KCNH7: variants seen among roughly 807,000 people sequenced by gnomAD.
The protein encoded by KCNH7 is potassium voltage-gated channel subfamily H member 7.
In KCNH7, 49 loss-of-function variants were observed where a neutral mutation model predicts 120.8. The ratio of observed to expected loss-of-function variants is 0.41; its 90% CI spans 0.32 to 0.51. The LOEUF is 0.51. Ranked by LOEUF, KCNH7 falls within the 20% of genes least tolerant of loss-of-function variation. The pLI is 0.38. For missense variants in KCNH7, 1,097 were observed against 1,446.6 expected (o/e 0.76, Z 3.92); for synonymous variants, 547 against 516.1 (o/e 1.06, Z -0.81).
chr2:162,575,506 C>A (rs1451733774), intron 2 of KCNH7, among the ~76,000 whole-genome samples: 1 of 152,062 alleles, frequency 6.6e-6, no homozygotes, highest in South Asian at 2.1e-4. Context: ...AGTTGAGTCA[C>A]CCCCTTAACT....
chr2:162,782,733 A>T (rs1360565506), intron 2 of KCNH7, among the ~76,000 whole-genome samples: 2 of 152,216 alleles, frequency 1.3e-5, no homozygotes. Context: ...CACTATTCTG[A>T]AAATAAAGTT....
At chr2:162,812,269 GA>G (rs1464690826) in intron 2 of KCNH7, among the ~76,000 whole-genome samples, 3 of 151,970 alleles carry the variant, frequency 2.0e-5, no homozygotes, top group African/African-American at 7.2e-5. Flanking sequence ...GTGACACAGT[GA>G]AAAAACACAG....
At chr2:162,500,931 G>T (rs2105744748) in intron 6 of KCNH7, among the ~76,000 whole-genome samples, 1 of 152,200 alleles carries the variant, frequency 6.6e-6, no homozygotes, top group Non-Finnish European at 1.5e-5. Flanking sequence ...AAATTTCAAA[G>T]ATAGCTGCAA....
intron 2 of KCNH7, among the ~76,000 whole-genome samples, chr2:162,570,388 T>A (rs1388974676): frequency 6.6e-6 from 1 of 151,994 alleles, no homozygotes; most frequent in African/African-American, 2.4e-5. Flanking sequence ...GCTTGGTAGA[T>A]CTTCCTCCAT....
At position 162,530,461 on chromosome 2, in the gene KCNH7, CGAGCGT is replaced by C. The variant is rs1558997465; in HGVS notation, c.463+6458_463+6463del. Among the ~76,000 whole-genome samples, 47 of 150,166 alleles carry C rather than the reference CGAGCGT, an allele frequency of 3.1e-4. 1 individual carries two copies. Among genetic ancestry groups the C allele is most frequent in the African/African-American group, 1.1e-3 (45 of 40,310 alleles). On this transcript the variant is annotated intron_variant, in intron 3 of 15. Transcript: ENST00000332142. ...CCACTCTGAGACACGCTAGTGTGCG[CGAGCGT>C]GCGCGCACACACACACACACACACA...
At chr2:162,653,166 G>A (rs567975020) in intron 2 of KCNH7, among the ~76,000 whole-genome samples, 3 of 152,248 alleles carry the variant, frequency 2.0e-5, no homozygotes, top group Non-Finnish European at 2.9e-5. Flanking sequence ...TGTTTATTGT[G>A]TTTATACAGA....
chr2:162,376,359 G>A (rs1686178749), intron 14 of KCNH7, among the ~76,000 whole-genome samples: 1 of 148,664 alleles, frequency 6.7e-6, no homozygotes, highest in Non-Finnish European at 1.5e-5. Context: ...CCTACTCAAA[G>A]TGTGGTTTGT....
chr2:162,588,069 C>T (rs925220103), intron 2 of KCNH7, among the ~76,000 whole-genome samples: 1 of 152,074 alleles, frequency 6.6e-6, no homozygotes, highest in Non-Finnish European at 1.5e-5. Flanking sequence ...TTCCTCCCAT[C>T]GCTCCTGCAC....
Position 162,378,031 on chromosome 2 carries a change from C to T in KCNH7, c.3131+1822G>A, listed in dbSNP as rs142310288. On this transcript the variant is annotated intron_variant, in intron 14 of 15. Coordinates refer to ENST00000332142, the MANE Select transcript of KCNH7 (RefSeq NM_033272.4). ...CCCATGACAGAGCAACCAGGTGATG[C>T]TAAAAATCTCAATTTTAGTTCTGAT... Among the ~76,000 whole-genome samples the T allele has an allele frequency of 3.7e-4, 57 of 152,188 alleles. 2 individuals are homozygous for T. The East Asian group carries it at 0.011, about 29-fold the overall frequency.
At chr2:162,466,973 G>T (rs1356335706) in intron 6 of KCNH7, among the ~76,000 whole-genome samples, 1 of 152,186 alleles carries the variant, frequency 6.6e-6, no homozygotes, top group African/African-American at 2.4e-5. Flanking sequence ...TTGAGGGAAT[G>T]AGTGGATTGC....
At chr2:162,742,390 C>T (rs1243328839) in intron 2 of KCNH7, among the ~76,000 whole-genome samples, 1 of 151,910 alleles carries the variant, frequency 6.6e-6, no homozygotes, top group African/African-American at 2.4e-5. Flanking sequence ...AAATAAAATA[C>T]TTTTTCTTAT....
chr2:162,371,877 G>C lies in KCNH7; in HGVS notation c.3543C>G (p.Ile1181Met). Residue 1181 changes from isoleucine (I) to methionine (M), a missense_variant, in exon 16 of 16, where the codon ATC (isoleucine) becomes ATG (methionine). Transcript: ENST00000332142. ...CAGAAACATGCCTATGAAGACCCAC[G>C]ATTCCTACAGTGCTTAGGGATGAAT... ...LPDSSLSTVG[I>M]VGLHRHVSDP... 3 of 1,613,350 alleles carry C rather than the reference G, an allele frequency of 1.9e-6. No individual in the cohort carries two copies. Among genetic ancestry groups the C allele is most frequent in the Non-Finnish European group, 2.5e-6 (3 of 1,179,424 alleles).
At position 162,614,074 on chromosome 2, in the gene KCNH7, A is replaced by G. The variant is rs113799479; in HGVS notation, c.308-76994T>C. On this transcript the variant is annotated intron_variant, in intron 2 of 15. Transcript: ENST00000332142. ...CAACTATTTTGAAGAATAATTGGCA[A>G]TAACTTAAAGATTAACTTGTACATA... is the stretch of plus-strand genomic sequence containing the variant. Among the ~76,000 whole-genome samples the G allele has an allele frequency of 4.0e-3, 616 of 152,180 alleles. 2 individuals are homozygous for G. The highest frequency in any genetic ancestry group is 0.014 in the African/African-American group (585 of 41,554).
chr2:162,823,926 C>A (rs1393230936), intron 2 of KCNH7, among the ~76,000 whole-genome samples: 1 of 151,586 alleles, frequency 6.6e-6, no homozygotes, highest in Non-Finnish European at 1.5e-5. Context: ...TAAGAAGTAC[C>A]TATGAAAATA....
At chr2:162,773,425 T>C (rs1041979524) in intron 2 of KCNH7, among the ~76,000 whole-genome samples, 2 of 151,920 alleles carry the variant, frequency 1.3e-5, no homozygotes, top group Non-Finnish European at 2.9e-5. Context: ...GAGGTGGAGG[T>C]TGCAGTGAGC....
chr2:162,816,789 T>G (rs769637989), intron 2 of KCNH7, among the ~76,000 whole-genome samples: 31 of 152,160 alleles, frequency 2.0e-4, no homozygotes, highest in Non-Finnish European at 3.5e-4. Context: ...CCTGATTTCC[T>G]AAATCATGAA....
chr2:162,609,275 A>C (rs974005209), intron 2 of KCNH7, among the ~76,000 whole-genome samples: 1 of 152,204 alleles, frequency 6.6e-6, no homozygotes, highest in Non-Finnish European at 1.5e-5. Flanking sequence ...TAAATGAAAA[A>C]ATGGATTTCT....
At chr2:162,595,164 C>G (rs1316773742) in intron 2 of KCNH7, among the ~76,000 whole-genome samples, 2 of 152,002 alleles carry the variant, frequency 1.3e-5, no homozygotes, top group Non-Finnish European at 2.9e-5. Context: ...CCTCAGGAAA[C>G]TTACAATCAT....
chr2:162,580,522 T>C (rs1246882700), intron 2 of KCNH7, among the ~76,000 whole-genome samples: 1 of 152,076 alleles, frequency 6.6e-6, no homozygotes, highest in Non-Finnish European at 1.5e-5. Context: ...CTTAGTCCAT[T>C]CTGTGGCATT....
Sources: allele counts gnomAD v4.1 joint callset (sites outside exome capture counted in the v4.1 genomes callset), GRCh38; gene constraint gnomAD v4.1.1; transcripts MANE v1.5; gene names NCBI Gene and HGNC (gene_info 2026-07-23, HGNC 2026-07-21).